Variants in ELF2 observed in about 807,000 individuals in gnomAD.
ELF2 encodes E74 like ETS transcription factor 2.
A neutral mutation model predicts 54.8 loss-of-function variants in ELF2; 11 were observed. The observed-to-expected ratio is 0.20, with a 90% CI of 0.13 to 0.33. The LOEUF (loss-of-function observed/expected upper bound fraction) is 0.33. ELF2 is among the 10% of genes least tolerant of loss of function. ELF2 has a pLI of 1.00. For synonymous variants in ELF2, 203 were observed against 245.1 expected, an observed-to-expected ratio of 0.83 and a Z score of 1.61; for missense variants, 513 against 703.0, an observed-to-expected ratio of 0.73 and a Z score of 3.06.
At chr4:139,073,034 C>T (rs999568724) in intron 5 of ELF2, among the ~76,000 whole-genome samples, 13 of 152,120 alleles carry the variant, frequency 8.5e-5, no homozygotes, top group African/African-American at 2.9e-4. Flanking sequence ...AAAAAAATGT[C>T]AAAAGCTCCC....
chr4:139,177,839 AG>A (rs903386287), upstream of ELF2, among the ~76,000 whole-genome samples: 2 of 152,108 alleles, frequency 1.3e-5, no homozygotes, highest in African/African-American at 4.8e-5. Flanking sequence ...TGACAGTTAC[AG>A]GGGGGCGAGG....
chr4:139,137,566 C>T, intron 3 of ELF2, 64 bp downstream of exon 3: 1 of 1,505,082 alleles, frequency 6.6e-7, no homozygotes, highest in Non-Finnish European at 9.2e-7. Flanking sequence ...CTATTAATTT[C>T]AAAATTAGTT....
At chr4:139,080,227 A>T (rs1730910608) in intron 4 of ELF2, among the ~76,000 whole-genome samples, 1 of 152,220 alleles carries the variant, frequency 6.6e-6, no homozygotes, top group South Asian at 2.1e-4. Flanking sequence ...CAGTTTTTAC[A>T]TGAATTTTAG....
At chr4:139,149,870 G>A (rs916262446) in intron 1 of ELF2, among the ~76,000 whole-genome samples, 1 of 152,066 alleles carries the variant, frequency 6.6e-6, no homozygotes, top group Admixed American at 6.6e-5. Context: ...ATCCCAAGAG[G>A]GTTTTAGAAA....
intron 2 of ELF2, 67 bp downstream of exon 2, chr4:139,139,346 C>A: frequency 1.3e-6 from 1 of 795,516 alleles, no homozygotes; most frequent in Middle Eastern, 4.3e-4. Flanking sequence ...ACAGTCCCAT[C>A]ATACTATCAC....
intron 2 of ELF2, among the ~76,000 whole-genome samples, chr4:139,138,616 G>T (rs956014560): frequency 3.3e-5 from 5 of 151,958 alleles, no homozygotes; most frequent in Admixed American, 6.5e-5. Flanking sequence ...CTTCTTCTTT[G>T]CCTCATCTGG....
chr4:139,128,599 G>A (rs113513196), intron 3 of ELF2, among the ~76,000 whole-genome samples: 3,631 of 150,074 alleles, frequency 0.024, 126 homozygotes, highest in East Asian at 0.12. Context: ...ATGGCTCACC[G>A]CAACCTCTGC....
intron 4 of ELF2, chr4:139,115,182 C>G: frequency 6.2e-7 from 1 of 1,612,182 alleles, no homozygotes; most frequent in Non-Finnish European, 8.5e-7. Context: ...GCTTCCGTAG[C>G]TCCTTGCGGT....
At chr4:139,072,436 CA>C (rs1466262139) in intron 5 of ELF2, among the ~76,000 whole-genome samples, 4 of 152,136 alleles carry the variant, frequency 2.6e-5, no homozygotes, top group Non-Finnish European at 5.9e-5. Flanking sequence ...TATTTTTTAA[CA>C]GGTAATATAT....
At chr4:139,075,588 C>G (rs1020888021) in intron 4 of ELF2, among the ~76,000 whole-genome samples, 2 of 152,180 alleles carry the variant, frequency 1.3e-5, no homozygotes, top group African/African-American at 4.8e-5. Flanking sequence ...TGCCACCATA[C>G]CGGATTAATT....
intron 4 of ELF2, among the ~76,000 whole-genome samples, chr4:139,080,698 C>A (rs181956999): frequency 1.3e-5 from 2 of 152,020 alleles, no homozygotes; most frequent in Admixed American, 6.6e-5. Flanking sequence ...ACTGTTCATA[C>A]ACAATACTTT....
chr4:139,097,393 A>G (rs1733393755), intron 4 of ELF2, among the ~76,000 whole-genome samples: 1 of 152,196 alleles, frequency 6.6e-6, no homozygotes. Context: ...AGGCGGGCAG[A>G]TCACTTGAGG....
Position 139,151,030 on chromosome 4 carries a change from A to AGAAAGAAAGAAAGAAAGAAAG in ELF2, c.-251-11534_-251-11533insCTTTCTTTCTTTCTTTCTTTC, listed in dbSNP as rs1560870894. Among the ~76,000 whole-genome samples, 54 of 124,754 alleles carry AGAAAGAAAGAAAGAAAGAAAG rather than the reference A, an allele frequency of 4.3e-4. 2 individuals are homozygous for AGAAAGAAAGAAAGAAAGAAAG. Among genetic ancestry groups the AGAAAGAAAGAAAGAAAGAAAG allele is most frequent in the African/African-American group, 1.7e-3 (54 of 32,072 alleles). 81.8% of individuals were successfully genotyped at this position (124,754 alleles called of 152,430 possible). On this transcript the variant is annotated intron_variant, in intron 1 of 9. Coordinates refer to ENST00000686138, the MANE Select transcript of ELF2 (RefSeq NM_001331036.3). ...CGGAACGAGGCTCCATCTCAAAAAA[A>AGAAAGAAAGAAAGAAAGAAAG]AAAAAGAAAGAAAGAAAGAAAGAAA...
chr4:139,161,530 T>C (rs915831544), intron 1 of ELF2, among the ~76,000 whole-genome samples: 1 of 152,008 alleles, frequency 6.6e-6, no homozygotes, highest in African/African-American at 2.4e-5. Flanking sequence ...ACTTTAAGGT[T>C]CTTTTTTAGG....
At chr4:139,105,542 C>T (rs1202511818) in intron 4 of ELF2, among the ~76,000 whole-genome samples, 1 of 152,186 alleles carries the variant, frequency 6.6e-6, no homozygotes, top group Non-Finnish European at 1.5e-5. Flanking sequence ...ATGGCAGAAA[C>T]TCCCTTTCTG....
intron 4 of ELF2, among the ~76,000 whole-genome samples, chr4:139,076,008 T>C (rs567911911): frequency 3.1e-4 from 47 of 152,176 alleles, no homozygotes; most frequent in Admixed American, 1.6e-3. Context: ...ACACTAACGA[T>C]ATGAATCTTT....
chr4:139,126,023 G>A (rs1046758870), intron 3 of ELF2, among the ~76,000 whole-genome samples: 1 of 152,150 alleles, frequency 6.6e-6, no homozygotes, highest in South Asian at 2.1e-4. Flanking sequence ...AAAATGGAGT[G>A]TCCAACTAGC....
At chr4:139,170,017 T>G (rs773761575) in intron 1 of ELF2, among the ~76,000 whole-genome samples, 27 of 152,136 alleles carry the variant, frequency 1.8e-4, no homozygotes, top group Non-Finnish European at 3.5e-4. Context: ...ACCATCTGTA[T>G]GTAAAAGATG....
chr4:139,093,860 T>C lies in ELF2; in HGVS notation c.239-20293A>G, dbSNP rs545340187. On this transcript the variant is annotated intron_variant, in intron 4 of 9. Coordinates refer to ENST00000686138, the MANE Select transcript of ELF2 (RefSeq NM_001331036.3). ...TAATATTACTACTCTTTTTAAAATA[T>C]CACTTTCACATAATACTGGAGTTCT... is the stretch of plus-strand genomic sequence containing the variant. Among the ~76,000 whole-genome samples, 3 of 150,806 alleles carry C rather than the reference T, an allele frequency of 2.0e-5. No individual in the cohort carries two copies. The South Asian group carries it at 6.3e-4, about 32-fold the overall frequency.
Sources: gnomAD v4.1 joint callset for allele counts (sites outside exome capture counted in the v4.1 genomes callset) on GRCh38, gnomAD v4.1.1 for gene constraint, MANE v1.5 for transcripts, NCBI Gene and HGNC (gene_info 2026-07-23, HGNC 2026-07-21) for gene names.